ZBTB2: variants seen among roughly 807,000 people sequenced by gnomAD.
ZBTB2 encodes the protein zinc finger and BTB domain containing 2.
Under a neutral mutation model 39.5 loss-of-function variants are expected in ZBTB2, and 2 were observed. The ratio of observed to expected loss-of-function variants is 0.05; its 90% confidence interval spans 0.02 to 0.16. The LOEUF (loss-of-function observed/expected upper bound fraction) is 0.16. Among genes scored for constraint, ZBTB2 ranks in the 10% least tolerant of loss-of-function variants. The probability of loss-of-function intolerance (pLI) is 1.00; values close to 1 mark genes in which losing one functional copy is unlikely to be tolerated. For synonymous variants in ZBTB2, 251 were observed against 256.6 expected (o/e 0.98, Z 0.21); for missense variants, 391 against 653.0 (o/e 0.60, Z 4.37).
chr6:151,377,444 C>T (rs1478478624), intron 1 of ZBTB2, among the ~76,000 whole-genome samples: 1 of 150,092 alleles, frequency 6.7e-6, no homozygotes, highest in East Asian at 1.9e-4. Context: ...TCTTAACTCA[C>T]TGCAACCTCT....
In ZBTB2 at chr6:151,365,385, T is replaced by A; in HGVS notation, c.*136A>T. On this transcript the variant is annotated 3_prime_UTR_variant, in exon 3 of 3. Coordinates refer to ENST00000325144, the MANE Select transcript of ZBTB2 (RefSeq NM_020861.3). The surrounding 1 kb of genome is among the most constrained non-coding windows in gnomAD (Gnocchi z 5.6). ...AGCCTTTACAGAGGTGGGGCTGGGA[T>A]GTGGAAAAGGGGAAGAGGAGAAGAG... The A allele has an allele frequency of 1.0e-6, 1 of 983,036 alleles. No homozygotes were observed. The highest frequency in any genetic ancestry group is 1.5e-6 in the Non-Finnish European group (1 of 668,590). 60.9% of individuals were successfully genotyped at this position (983,036 alleles called of 1,614,324 possible).
intron 1 of ZBTB2, among the ~76,000 whole-genome samples, chr6:151,380,446 T>C (rs551071544): frequency 6.6e-6 from 1 of 152,340 alleles, no homozygotes; most frequent in South Asian, 2.1e-4. Context: ...CTCATTTCCA[T>C]GAGGCTTAAC....
At chr6:151,381,977 A>G (rs1582922223) in intron 1 of ZBTB2, among the ~76,000 whole-genome samples, 1 of 152,212 alleles carries the variant, frequency 6.6e-6, no homozygotes, top group South Asian at 2.1e-4. Context: ...TTGTGCGAAC[A>G]TCCTAAAGGT....
At chr6:151,373,702 G>A in intron 1 of ZBTB2, 53 bp from the exon 2 acceptor site, 4 of 1,504,102 alleles carry the variant, frequency 2.7e-6, no homozygotes, top group East Asian at 2.3e-5. Flanking sequence ...ATAAGAATGT[G>A]TCCTTTATAG....
At chr6:151,391,201 C>A (rs1256768084) in intron 1 of ZBTB2, among the ~76,000 whole-genome samples, 1 of 151,300 alleles carries the variant, frequency 6.6e-6, no homozygotes, top group Non-Finnish European at 1.5e-5. Flanking sequence ...CGCCCCTGCC[C>A]TCGCTTCCCA....
intron 2 of ZBTB2, among the ~76,000 whole-genome samples, chr6:151,372,068 G>C (rs894265129): frequency 5.9e-5 from 9 of 152,180 alleles, no homozygotes; most frequent in Non-Finnish European, 1.3e-4. Context: ...ATAAACTGAA[G>C]TTTCCAGCAG....
chr6:151,373,081 G>A lies in ZBTB2; in HGVS notation c.173+384C>T, dbSNP rs896563372. 3.4e-5 allele frequency among the ~76,000 whole-genome samples: 5 copies of A among 149,128 alleles called. No individual in the cohort carries two copies. In the East Asian group the frequency reaches 7.9e-4, roughly 23 times the overall value. ...GAAGCAGGAGAATGGCGTGAACCCG[G>A]GAGGCGGAGCTTGCAGTGAGCCGAG... On this transcript the variant is annotated intron_variant, in intron 2 of 2. Coordinates refer to ENST00000325144, the MANE Select transcript of ZBTB2 (RefSeq NM_020861.3).
In ZBTB2 at chr6:151,388,175, C is replaced by A. The variant is rs886679627; in HGVS notation, c.-13+3245G>T. Among the ~76,000 whole-genome samples the A allele has an allele frequency of 5.3e-5, 8 of 151,876 alleles. No homozygotes were observed. In the East Asian group the frequency reaches 1.5e-3, roughly 29 times the overall value. ...AAATAGGAAAAGTGATGATAAATGACCTTTCCCAGGTGCATTTGGTATTTT... is the reference window on the plus strand; with the variant it reads ...AAATAGGAAAAGTGATGATAAATGAACTTTCCCAGGTGCATTTGGTATTTT... On this transcript the variant is annotated intron_variant, in intron 1 of 2. Transcript: ENST00000325144.
intron 1 of ZBTB2, among the ~76,000 whole-genome samples, chr6:151,379,202 C>T (rs887450745): frequency 6.6e-6 from 1 of 152,196 alleles, no homozygotes; most frequent in African/African-American, 2.4e-5. Flanking sequence ...ACTTGGTATT[C>T]TTTGCCAATA....
intron 2 of ZBTB2, among the ~76,000 whole-genome samples, chr6:151,368,478 C>CA (rs1778700403): frequency 6.7e-6 from 1 of 150,012 alleles, no homozygotes; most frequent in Non-Finnish European, 1.5e-5. Context: ...TGTTTTGAGA[C>CA]AGAGTCTCAC....
chr6:151,366,903 C>A lies in ZBTB2; in HGVS notation c.174-11G>T, dbSNP rs1189593844. 3 of 1,583,448 alleles carry A rather than the reference C, an allele frequency of 1.9e-6. No homozygotes were observed. The highest frequency in any genetic ancestry group is 1.8e-5 in the Admixed American group (1 of 55,460). On this transcript the variant is annotated splice_polypyrimidine_tract_variant and intron_variant, in intron 2 of 2. Coordinates refer to ENST00000325144, the MANE Select transcript of ZBTB2 (RefSeq NM_020861.3). This position sits in a 1 kb window ranked among gnomAD's most constrained non-coding sequence, Gnocchi z 7.1. ...AAGCGGACACACTCACTGAAAGAAA[C>A]AAGTAAAAAAATACGTGAGTAAATG...
In ZBTB2 at chr6:151,366,796, G is replaced by A. The variant is rs773887447; in HGVS notation, c.270C>T (p.Ile90=). ...MYTGKMAPQL[I]DPVRLEQGIK... ...TGCCCTGTTCTAATCGAACCGGGTC[G>A]ATGAGCTGAGGCGCCATCTTCCCAG... is the stretch of plus-strand genomic sequence containing the variant. Residue 90 remains isoleucine, a synonymous_variant, in exon 3 of 3, where the codon ATC becomes ATT. Coordinates refer to ENST00000325144, the MANE Select transcript of ZBTB2 (RefSeq NM_020861.3). The surrounding 1 kb of genome is among the most constrained non-coding windows in gnomAD (Gnocchi z 7.1). 23 of 1,614,050 alleles carry A rather than the reference G, an allele frequency of 1.4e-5. No homozygotes were observed. The highest frequency in any genetic ancestry group is 9.3e-5 in the African/African-American group (7 of 74,910).
intron 2 of ZBTB2, among the ~76,000 whole-genome samples, chr6:151,367,650 C>G (rs553919236): frequency 1.3e-5 from 2 of 152,252 alleles, no homozygotes; most frequent in South Asian, 4.1e-4. Context: ...CAATGTTTGT[C>G]TAAGTCCAAA....
At chr6:151,373,138 G>A (rs1778822020) in intron 2 of ZBTB2, among the ~76,000 whole-genome samples, 1 of 107,240 alleles carries the variant, frequency 9.3e-6, no homozygotes, top group Admixed American at 1.5e-4. Flanking sequence ...CTAGGCGACA[G>A]AGAGAGACTC....
In ZBTB2 at chr6:151,365,894, T is replaced by C. The variant is rs1410541335; in HGVS notation, c.1172A>G (p.Lys391Arg). 1.2e-6 allele frequency: 2 copies of C among 1,614,248 alleles called. No individual in the cohort carries two copies. The highest frequency in any genetic ancestry group is 1.7e-6 in the Non-Finnish European group (2 of 1,180,046). ...HMYIHTGKPFKCSTCDKSFCR... is the reference protein window; with the variant it reads ...HMYIHTGKPFRCSTCDKSFCR... ...AAAGCTTTTGTCACAAGTGCTGCAC[T>C]TGAAAGGCTTCCCGGTGTGTATGTA... is the stretch of plus-strand genomic sequence containing the variant. The change falls in exon 3 of 3, where the codon AAG becomes AGG. Residue 391 changes from lysine to arginine, a missense_variant. Physicochemically the swap from Lys to Arg is conservative, Grantham distance 26 (BLOSUM62 2). Transcript: ENST00000325144. The surrounding 1 kb of genome is among the most constrained non-coding windows in gnomAD (Gnocchi z 5.6).
At chr6:151,373,057 AAGC>A (rs1218290480) in intron 2 of ZBTB2, among the ~76,000 whole-genome samples, 1 of 146,764 alleles carries the variant, frequency 6.8e-6, no homozygotes, top group Non-Finnish European at 1.5e-5. Flanking sequence ...CGGGAGGCTG[AAGC>A]AGGAGAATGG....
At chr6:151,382,742 G>A (rs1361204585) in intron 1 of ZBTB2, among the ~76,000 whole-genome samples, 2 of 151,566 alleles carry the variant, frequency 1.3e-5, no homozygotes, top group Non-Finnish European at 2.9e-5. Context: ...TTTTAGTAGA[G>A]ACGGGATTTT....
At position 151,366,133 on chromosome 6, in the gene ZBTB2, T is replaced by C. The variant is rs753285255; in HGVS notation, c.933A>G (p.Glu311=). ...DLGKDAMEVP[E]AGMISDSELQ... The stretch of plus-strand genomic sequence containing the variant: ...GCTCACTGTCACTTATCATCCCGGC[T>C]TCAGGCACTTCCATGGCATCTTTCC... The change falls in exon 3 of 3, where the codon GAA becomes GAG. Residue 311 remains glutamate, a synonymous_variant. Transcript: ENST00000325144. This position sits in a 1 kb window ranked among gnomAD's most constrained non-coding sequence, Gnocchi z 7.1. 2 of 1,614,164 alleles carry C rather than the reference T, an allele frequency of 1.2e-6. No homozygotes were observed. Among genetic ancestry groups the C allele is most frequent in the South Asian group, 2.2e-5 (2 of 91,088 alleles).
intron 1 of ZBTB2, among the ~76,000 whole-genome samples, chr6:151,388,357 T>C (rs1779208056): frequency 6.6e-6 from 1 of 152,198 alleles, no homozygotes. Context: ...GGAAGGGCAG[T>C]TCCCACCTCT....
Sources: allele counts gnomAD v4.1 joint callset (sites outside exome capture counted in the v4.1 genomes callset), GRCh38; gene constraint gnomAD v4.1.1; non-coding constraint Gnocchi (gnomAD v3.1); transcripts MANE v1.5; gene names NCBI Gene and HGNC (gene_info 2026-07-23, HGNC 2026-07-21).